SYTL2: variants seen among roughly 807,000 people sequenced by gnomAD.
SYTL2 encodes synaptotagmin like 2, also known as synaptotagmin-like protein 2.
SYTL2 carries 165 observed loss-of-function variants against 198.7 expected under a neutral mutation model. The observed-to-expected ratio is 0.83, with a 90% CI of 0.73 to 0.94. The LOEUF is 0.94. Ranked by LOEUF, SYTL2 falls within the 40% of genes least tolerant of loss-of-function variation. The pLI, the probability that SYTL2 is intolerant of heterozygous loss-of-function variation, is 0.00. For missense variants in SYTL2, 2,835 were observed against 2,582.8 expected (o/e 1.10, Z -2.12); for synonymous variants, 966 against 917.7 (o/e 1.05, Z -0.95).
At chr11:85,747,526 T>C (rs889888322) in intron 3 of SYTL2, among the ~76,000 whole-genome samples, 3 of 152,190 alleles carry the variant, frequency 2.0e-5, no homozygotes, top group Non-Finnish European at 4.4e-5. Flanking sequence ...TTTTGGTTGG[T>C]TGGCATTTTT....
At chr11:85,831,221 C>G in the SYTL2 span, among the ~76,000 whole-genome samples, 8 of 152,178 alleles carry the variant, frequency 5.3e-5, no homozygotes, top group African/African-American at 1.7e-4. Flanking sequence ...TCACCAGTAT[C>G]AGATCTATGA....
At chr11:85,816,828 C>T in the SYTL2 span, among the ~76,000 whole-genome samples, 1 of 149,310 alleles carries the variant, frequency 6.7e-6, no homozygotes, top group African/African-American at 2.5e-5. Context: ...GTGGGAGGAT[C>T]ACTGGAGCCC....
At chr11:85,813,059 G>C (rs11606656), upstream of SYTL2, among the ~76,000 whole-genome samples, 47,245 of 151,862 alleles carry the variant, frequency 0.31, 7,612 homozygotes, top group South Asian at 0.41. Flanking sequence ...AGTATCACTC[G>C]TCCCCTGGAA....
At chr11:85,747,084 A>G (rs1390926987) in intron 3 of SYTL2, among the ~76,000 whole-genome samples, 1 of 152,226 alleles carries the variant, frequency 6.6e-6, no homozygotes, top group East Asian at 1.9e-4. Flanking sequence ...CTTTACATGG[A>G]CTAAGCCAGA....
intron 1 of SYTL2, among the ~76,000 whole-genome samples, chr11:85,785,938 T>C (rs1376364077): frequency 6.6e-6 from 1 of 152,208 alleles, no homozygotes; most frequent in Non-Finnish European, 1.5e-5. Context: ...TACATAATAC[T>C]ATGTTTAAAA....
chr11:85,704,739 G>A, intron 16 of SYTL2, 119 bp downstream of exon 16: 1 of 732,762 alleles, frequency 1.4e-6, no homozygotes, highest in East Asian at 2.6e-5. Flanking sequence ...TTTTCCTCTA[G>A]TTTAAAATTC....
chr11:85,854,575 T>A, the SYTL2 span: 3 of 152,096 alleles, frequency 2.0e-5, no homozygotes, highest in East Asian at 3.9e-4. Context: ...AAGCATTTAG[T>A]CCAGGGACCT....
the SYTL2 span, among the ~76,000 whole-genome samples, chr11:85,818,974 G>A: frequency 6.6e-6 from 1 of 151,942 alleles, no homozygotes; most frequent in Admixed American, 6.6e-5. Flanking sequence ...CTCCTGCCTC[G>A]GTGTCCTTAT....
chr11:85,760,748 C>G (rs1230614435), intron 1 of SYTL2, among the ~76,000 whole-genome samples: 1 of 150,994 alleles, frequency 6.6e-6, no homozygotes, highest in African/African-American at 2.4e-5. Flanking sequence ...TCCACGCCTT[C>G]AAGCAGAATA....
the SYTL2 span, among the ~76,000 whole-genome samples, chr11:85,829,498 T>G: frequency 5.3e-5 from 8 of 152,246 alleles, no homozygotes; most frequent in Admixed American, 5.2e-4. Context: ...TTGTGAGTAC[T>G]GTTGAAATGA....
At chr11:85,835,366 C>T in the SYTL2 span, among the ~76,000 whole-genome samples, 185 of 151,944 alleles carry the variant, frequency 1.2e-3, 1 homozygote, top group Middle Eastern at 0.014. Flanking sequence ...ATCCTCTAGC[C>T]TCCCAATTTT....
intron 14 of SYTL2, among the ~76,000 whole-genome samples, chr11:85,708,467 G>A (rs2085612236): frequency 6.6e-6 from 1 of 151,834 alleles, no homozygotes; most frequent in Non-Finnish European, 1.5e-5. Flanking sequence ...TTCAGCGTTT[G>A]CAAAAAAAGA....
At chr11:85,704,249 A>G (rs1383726323) in intron 16 of SYTL2, among the ~76,000 whole-genome samples, 1 of 152,104 alleles carries the variant, frequency 6.6e-6, no homozygotes, top group Non-Finnish European at 1.5e-5. Context: ...AAATACAGGC[A>G]AAGTAGATTT....
chr11:85,722,804 C>CT (rs1041547198), intron 8 of SYTL2, among the ~76,000 whole-genome samples: 2 of 151,650 alleles, frequency 1.3e-5, no homozygotes, highest in African/African-American at 2.4e-5. Context: ...CAATTTCTTT[C>CT]TTTTTTTTAT....
At chr11:85,745,549 C>T in intron 4 of SYTL2, 88 bp downstream of exon 4, 1 of 1,458,680 alleles carries the variant, frequency 6.9e-7, no homozygotes, top group Non-Finnish European at 9.4e-7. Context: ...AGTCTGGCAT[C>T]TGTACTCATA....
At chr11:85,775,756 C>T (rs189985095) in intron 1 of SYTL2, among the ~76,000 whole-genome samples, 25 of 152,270 alleles carry the variant, frequency 1.6e-4, no homozygotes, top group African/African-American at 5.3e-4. Flanking sequence ...GCTAGGATTA[C>T]GGGTATAAAC....
rs1182490764 is a variant in SYTL2, at chr11:85,734,639, T to G, written c.690A>C (p.Gln230His). 1.9e-6 allele frequency: 3 copies of G among 1,614,100 alleles called. No homozygotes were observed. The African/African-American group carries it at 4.0e-5, about 22-fold the overall frequency. The change falls in exon 7 of 20, where the codon CAA (glutamine) becomes CAC (histidine). Residue 230 changes from glutamine (Q) to histidine (H), a missense_variant. By Grantham distance (24) the Gln-to-His change is conservative. Transcript: ENST00000359152. ...TGGCTTTGGGGATTGGAGCCTTGAT[T>G]TGGGACCCATTTGAAAGGCCTGGCA... ...QTLPGLSNGS[Q>H]IKAPIPKARK...
At chr11:85,711,594 T>C (rs1339068415) in intron 12 of SYTL2, among the ~76,000 whole-genome samples, 2 of 152,176 alleles carry the variant, frequency 1.3e-5, no homozygotes, top group Non-Finnish European at 2.9e-5. Flanking sequence ...AAATTAACTT[T>C]ACCCAGATAA....
At chr11:85,798,655 G>C (rs955198474) in intron 1 of SYTL2, among the ~76,000 whole-genome samples, 2 of 152,122 alleles carry the variant, frequency 1.3e-5, no homozygotes, top group African/African-American at 2.4e-5. Flanking sequence ...AGGTGCGTGG[G>C]GTGAAGTCTG....
Sources: allele counts gnomAD v4.1 joint callset (sites outside exome capture counted in the v4.1 genomes callset), GRCh38; gene constraint gnomAD v4.1.1; transcripts MANE v1.5; gene names NCBI Gene and HGNC (gene_info 2026-07-23, HGNC 2026-07-21).